The following MEGF10 variants were observed in gnomAD, a reference collection of about 807,000 sequenced individuals.
MEGF10 encodes multiple EGF like domains 10.
Under a neutral mutation model 147.5 loss-of-function variants are expected in MEGF10, and 86 were observed. The observed-to-expected ratio is 0.58, with a 90% CI of 0.49 to 0.70. The LOEUF (loss-of-function observed/expected upper bound fraction) is 0.70, where lower values mean the gene tolerates loss of function less well. Among genes scored for constraint, MEGF10 ranks in the 30% least tolerant of loss-of-function variants. The probability of loss-of-function intolerance (pLI) is 0.00; values close to 1 mark genes in which losing one functional copy is unlikely to be tolerated. For synonymous variants in MEGF10, 478 were observed against 525.5 expected, an observed-to-expected ratio of 0.91 and a Z score of 1.24; for missense variants, 1,329 against 1,487.3, an observed-to-expected ratio of 0.89 and a Z score of 1.75.
At chr5:127,446,151 A>G (rs1468051960) in intron 20 of MEGF10, among the ~76,000 whole-genome samples, 2 of 152,206 alleles carry the variant, frequency 1.3e-5, no homozygotes, top group African/African-American at 2.4e-5. Context: ...ACAAAGTTAT[A>G]TCAGAAACAG....
chr5:127,383,351 C>G (rs1296065961), intron 5 of MEGF10, among the ~76,000 whole-genome samples: 2 of 151,992 alleles, frequency 1.3e-5, no homozygotes, highest in African/African-American at 4.8e-5. Flanking sequence ...GCTTATAGTC[C>G]TAGCTACCAA....
At chr5:127,261,790 A>G in the MEGF10 span, among the ~76,000 whole-genome samples, 12 of 152,078 alleles carry the variant, frequency 7.9e-5, no homozygotes, top group Non-Finnish European at 1.8e-4. Context: ...AAAAAATTTT[A>G]TTATTGCCTT....
the MEGF10 span, among the ~76,000 whole-genome samples, chr5:127,237,141 A>G: frequency 1.3e-5 from 2 of 152,180 alleles, no homozygotes; most frequent in Non-Finnish European, 2.9e-5. Flanking sequence ...TTAAAAAAAA[A>G]GGGGGTTTTA....
chr5:127,338,993 TTGTC>T lies in MEGF10; in HGVS notation c.117-123_117-120del, dbSNP rs1463553638. On this transcript the variant is annotated intron_variant, in intron 2 of 24. Transcript: ENST00000503335. ...ATAAAAACCCATAAAAACATGGAAA[TTGTC>T]TGTTAAAAGTCACTATGGAGTTGCA... 2.8e-5 allele frequency: 13 copies of T among 469,126 alleles called. No individual in the cohort carries two copies. In the East Asian group the frequency reaches 4.4e-4, roughly 16 times the overall value. 29.1% of individuals were successfully genotyped at this position (469,126 alleles called of 1,614,324 possible).
At chr5:127,294,799 A>AAATAACAAT (rs1554087369) in intron 1 of MEGF10, among the ~76,000 whole-genome samples, 6 of 108,042 alleles carry the variant, frequency 5.6e-5, no homozygotes, top group Non-Finnish European at 1.3e-4. Context: ...ACTCTGTCTC[A>AAATAACAAT]AATAATAATA....
At chr5:127,262,405 G>C in the MEGF10 span, among the ~76,000 whole-genome samples, 1 of 152,116 alleles carries the variant, frequency 6.6e-6, no homozygotes, top group African/African-American at 2.4e-5. Context: ...ACTAAAATTA[G>C]GCTGAAAAGG....
intron 1 of MEGF10, among the ~76,000 whole-genome samples, chr5:127,296,635 G>A (rs960707509): frequency 3.3e-5 from 5 of 152,172 alleles, no homozygotes; most frequent in Admixed American, 3.3e-4. Context: ...CATAGCCACA[G>A]GTGGTGGTTC....
intron 1 of MEGF10, among the ~76,000 whole-genome samples, chr5:127,311,630 G>T (rs900945118): frequency 2.0e-5 from 3 of 152,166 alleles, no homozygotes; most frequent in Admixed American, 6.5e-5. Flanking sequence ...CTTGACTCAG[G>T]AATACAGAGA....
intron 4 of MEGF10, among the ~76,000 whole-genome samples, chr5:127,354,774 T>A (rs1214330375): frequency 6.6e-6 from 1 of 152,204 alleles, no homozygotes; most frequent in Non-Finnish European, 1.5e-5. Flanking sequence ...TTACCTTCCT[T>A]TGTGAGCTGG....
chr5:127,418,024 G>A (rs1045802441), intron 10 of MEGF10, among the ~76,000 whole-genome samples: 1 of 152,106 alleles, frequency 6.6e-6, no homozygotes, highest in African/African-American at 2.4e-5. Context: ...AACTATAAAT[G>A]TGGCATTAAT....
At chr5:127,247,285 G>C in the MEGF10 span, among the ~76,000 whole-genome samples, 4 of 117,236 alleles carry the variant, frequency 3.4e-5, no homozygotes, top group Non-Finnish European at 7.2e-5. Flanking sequence ...GTGTGTGGTT[G>C]GGGGGTGGGG....
At chr5:127,309,471 A>G (rs1476049925) in intron 1 of MEGF10, among the ~76,000 whole-genome samples, 1 of 152,210 alleles carries the variant, frequency 6.6e-6, no homozygotes, top group Admixed American at 6.5e-5. Flanking sequence ...GCCCTTGGCA[A>G]CCACCATTCT....
chr5:127,347,782 T>A (rs1761944922), intron 4 of MEGF10, among the ~76,000 whole-genome samples: 1 of 152,000 alleles, frequency 6.6e-6, no homozygotes. Context: ...AGAAAACACA[T>A]GAATTAAACC....
At chr5:127,454,761 G>A (rs538984704) in intron 23 of MEGF10, 151 bp downstream of exon 23, 13 of 646,316 alleles carry the variant, frequency 2.0e-5, no homozygotes, top group African/African-American at 1.7e-4. Flanking sequence ...ACAAACATGT[G>A]TGACTGACAT....
At chr5:127,247,106 C>A in the MEGF10 span, among the ~76,000 whole-genome samples, 3 of 139,316 alleles carry the variant, frequency 2.2e-5, no homozygotes, top group Admixed American at 1.6e-4. Context: ...TGATAGTTTT[C>A]AGCTTGAAAA....
intron 2 of MEGF10, among the ~76,000 whole-genome samples, chr5:127,335,240 T>G (rs944683878): frequency 6.6e-6 from 1 of 152,120 alleles, no homozygotes; most frequent in Non-Finnish European, 1.5e-5. Context: ...TGAGAGAGGA[T>G]GGGGCAGGAC....
intron 1 of MEGF10, among the ~76,000 whole-genome samples, chr5:127,291,941 C>G (rs150318660): frequency 1.7e-3 from 256 of 152,270 alleles, no homozygotes; most frequent in African/African-American, 5.9e-3. Context: ...TATTATTGTT[C>G]TTAGGCTGTG....
intron 5 of MEGF10, among the ~76,000 whole-genome samples, chr5:127,370,568 A>T (rs1762810249): frequency 6.6e-6 from 1 of 152,212 alleles, no homozygotes; most frequent in African/African-American, 2.4e-5. Flanking sequence ...TTGTTAAATC[A>T]ATTCCTAACA....
the MEGF10 span, among the ~76,000 whole-genome samples, chr5:127,266,986 C>A: frequency 1.3e-5 from 2 of 152,324 alleles, no homozygotes; most frequent in South Asian, 2.1e-4. Context: ...GAGAGGGCAT[C>A]CCTGTCTTGT....
Sources: allele counts gnomAD v4.1 joint callset (sites outside exome capture counted in the v4.1 genomes callset), GRCh38; gene constraint gnomAD v4.1.1; transcripts MANE v1.5; gene names NCBI Gene and HGNC (gene_info 2026-07-23, HGNC 2026-07-21).